Variants in TFPI observed in about 807,000 individuals in gnomAD.
The protein encoded by TFPI is tissue factor pathway inhibitor.
TFPI carries 15 observed loss-of-function variants against 34.6 expected under a neutral mutation model. That is an observed-to-expected ratio of 0.43 (90% CI 0.29 to 0.67). The LOEUF is 0.67. TFPI is among the 30% of genes least tolerant of loss of function. The pLI, the probability that TFPI is intolerant of heterozygous loss-of-function variation, is 0.15. For missense variants in TFPI, 301 were observed against 364.0 expected, an observed-to-expected ratio of 0.83 and a Z score of 1.41; for synonymous variants, 105 against 120.1, an observed-to-expected ratio of 0.87 and a Z score of 0.82.
chr2:187,489,359 A>G (rs1161846100), intron 3 of TFPI, among the ~76,000 whole-genome samples: 1 of 149,924 alleles, frequency 6.7e-6, no homozygotes, highest in South Asian at 2.1e-4. Context: ...ACTATGTTTT[A>G]TTCAATAGCC....
In TFPI at chr2:187,496,966, C is replaced by T. The variant is rs750268727; in HGVS notation, c.234G>A (p.Gln78=). ...KRFFFNIFTR[Q]CEEFIYGGCE... ...ATCCCCCATATATAAATTCTTCGCACTGTCGAGTGAAAATATTGAAGAAAA... is the reference window on the plus strand; with the variant it reads ...ATCCCCCATATATAAATTCTTCGCATTGTCGAGTGAAAATATTGAAGAAAA... The change falls in exon 3 of 8, where the codon CAG becomes CAA. Residue 78 remains glutamine (Q), a synonymous_variant. Coordinates refer to ENST00000233156, the MANE Select transcript of TFPI (RefSeq NM_006287.6). 9.9e-6 allele frequency: 16 copies of T among 1,613,306 alleles called. No individual in the cohort carries two copies. Among genetic ancestry groups the T allele is most frequent in the African/African-American group, 1.3e-5 (1 of 74,894 alleles).
In TFPI at chr2:187,467,003, G is replaced by C; in HGVS notation, c.848C>G (p.Thr283Ser). 6.3e-7 allele frequency: 1 copy of C among 1,587,648 alleles called. No homozygotes were observed. Residue 283 changes from threonine to serine, a missense_variant, in exon 8 of 8, where the codon ACC becomes AGC. Physicochemically the swap from Thr to Ser is moderately conservative, Grantham distance 58. Transcript: ENST00000233156. The part of the protein sequence containing the change: ...QRISKGGLIK[T>S]KRKRKKQRVK... ...TCTCTGCTTCTTTCTTTTTCTTTTGGTTTTAATTAGGCCTCCTTTTGATAT... is the reference window on the plus strand; with the variant it reads ...TCTCTGCTTCTTTCTTTTTCTTTTGCTTTTAATTAGGCCTCCTTTTGATAT...
intron 7 of TFPI, among the ~76,000 whole-genome samples, chr2:187,467,372 T>G (rs1691770222): frequency 6.6e-6 from 1 of 152,040 alleles, no homozygotes; most frequent in East Asian, 1.9e-4. Flanking sequence ...TTTGCATTTT[T>G]ATACTCTTCT....
intron 1 of TFPI, among the ~76,000 whole-genome samples, chr2:187,543,724 G>A (rs1021062106): frequency 9.9e-5 from 15 of 152,158 alleles, no homozygotes; most frequent in African/African-American, 3.6e-4. Flanking sequence ...ATAGTGTTTG[G>A]TTTAGATATC....
intron 1 of TFPI, among the ~76,000 whole-genome samples, chr2:187,522,890 CAAAATAAA>C (rs1687479242): frequency 1.2e-5 from 1 of 86,068 alleles, no homozygotes; most frequent in East Asian, 3.6e-4. Context: ...GACTGTGTCT[CAAAATAAA>C]TAAATAAATA....
chr2:187,519,806 T>C (rs1411495308), intron 1 of TFPI: 1 of 152,272 alleles, frequency 6.6e-6, no homozygotes, highest in East Asian at 1.9e-4. Flanking sequence ...TATAAGCCCC[T>C]GACTGGGGCT....
chr2:187,477,721 AC>A (rs1361971635), intron 6 of TFPI, among the ~76,000 whole-genome samples: 3 of 152,244 alleles, frequency 2.0e-5, no homozygotes, highest in African/African-American at 4.8e-5. Context: ...CCCTTTGTGA[AC>A]ATAACACCTG....
intron 5 of TFPI, 32 bp from the exon 6 acceptor site, chr2:187,484,248 A>G: frequency 6.3e-7 from 1 of 1,577,906 alleles, no homozygotes; most frequent in Non-Finnish European, 8.7e-7. Context: ...TAAAATAGAT[A>G]AACATTGTCA....
intron 1 of TFPI, among the ~76,000 whole-genome samples, chr2:187,545,578 G>A (rs1425685106): frequency 6.6e-6 from 1 of 152,104 alleles, no homozygotes; most frequent in African/African-American, 2.4e-5. Context: ...AAGGGCAACT[G>A]CAAAGCTTCA....
chr2:187,506,199 G>C (rs1009846211), intron 1 of TFPI, among the ~76,000 whole-genome samples: 33 of 151,840 alleles, frequency 2.2e-4, no homozygotes, highest in African/African-American at 7.5e-4. Context: ...AGAAAACAGA[G>C]ATTTATAAAA....
At chr2:187,470,087 T>G (rs1175716023) in intron 6 of TFPI, among the ~76,000 whole-genome samples, 1 of 152,150 alleles carries the variant, frequency 6.6e-6, no homozygotes, top group Non-Finnish European at 1.5e-5. Flanking sequence ...TACTATCGCT[T>G]TTTTTCCTGT....
intron 1 of TFPI, among the ~76,000 whole-genome samples, chr2:187,544,953 A>C (rs1007400673): frequency 3.3e-5 from 5 of 152,106 alleles, no homozygotes; most frequent in African/African-American, 4.8e-5. Flanking sequence ...TGACTCTTCT[A>C]AAAACACAAA....
intron 1 of TFPI, among the ~76,000 whole-genome samples, chr2:187,542,229 G>C (rs917955177): frequency 6.6e-6 from 1 of 151,966 alleles, no homozygotes; most frequent in Non-Finnish European, 1.5e-5. Flanking sequence ...CAGGTGAAAA[G>C]AGTTTAACTG....
At chr2:187,493,807 T>C (rs893552329) in intron 3 of TFPI, among the ~76,000 whole-genome samples, 1 of 152,100 alleles carries the variant, frequency 6.6e-6, no homozygotes, top group Non-Finnish European at 1.5e-5. Context: ...CCCAAAAAGT[T>C]CCTCATCTCT....
intron 3 of TFPI, among the ~76,000 whole-genome samples, chr2:187,493,744 A>G (rs570185108): frequency 1.3e-5 from 2 of 152,258 alleles, no homozygotes; most frequent in African/African-American, 4.8e-5. Flanking sequence ...GCAGGGGCAA[A>G]ATGCTGCCAG....
At chr2:187,538,573 C>T (rs1365958920) in intron 1 of TFPI, among the ~76,000 whole-genome samples, 2 of 152,002 alleles carry the variant, frequency 1.3e-5, no homozygotes, top group Non-Finnish European at 2.9e-5. Context: ...CATCACACAC[C>T]CTGGCCTGTC....
At chr2:187,479,804 T>C (rs1276840718) in intron 6 of TFPI, among the ~76,000 whole-genome samples, 1 of 150,766 alleles carries the variant, frequency 6.6e-6, no homozygotes. Flanking sequence ...CTGAATGAAA[T>C]AAATAGGAAT....
At chr2:187,499,516 T>C in intron 2 of TFPI, 1 of 150,984 alleles carries the variant, frequency 6.6e-6, no homozygotes, top group South Asian at 2.1e-4. Flanking sequence ...GATTTTAGAA[T>C]GCCAAGCTGA....
chr2:187,484,279 T>C, intron 5 of TFPI, 63 bp from the exon 6 acceptor site: 1 of 1,432,112 alleles, frequency 7.0e-7, no homozygotes, highest in Non-Finnish European at 9.8e-7. Flanking sequence ...TTTGGACTCA[T>C]GAAGCGTACA....
Sources: allele counts gnomAD v4.1 joint callset (sites outside exome capture counted in the v4.1 genomes callset), GRCh38; gene constraint gnomAD v4.1.1; transcripts MANE v1.5; gene names NCBI Gene and HGNC (gene_info 2026-07-23, HGNC 2026-07-21).